Variants in NDRG2 observed in about 807,000 individuals in gnomAD.
NDRG2 encodes NDRG family member 2, also known as protein NDRG2.
Under a neutral mutation model 58.2 loss-of-function variants are expected in NDRG2, and 34 were observed. The observed-to-expected ratio is 0.58, with a 90% confidence interval of 0.44 to 0.78. The LOEUF is 0.78. NDRG2 is among the 30% of genes least tolerant of loss of function. The pLI, the probability that NDRG2 is intolerant of heterozygous loss-of-function variation, is 0.00. For missense variants in NDRG2, 434 were observed against 471.2 expected (o/e 0.92, Z 0.73); for synonymous variants, 187 against 175.9 (o/e 1.06, Z -0.50).
intron 1 of NDRG2, chr14:21,032,152 C>T (rs1441991787): frequency 4.7e-6 from 7 of 1,480,266 alleles, no homozygotes; most frequent in Non-Finnish European, 6.6e-6. Context: ...AAACAATAAA[C>T]ATCTGTGTGT....
At chr14:21,068,754 G>A (rs1886433499) in intron 1 of NDRG2, among the ~76,000 whole-genome samples, 1 of 152,236 alleles carries the variant, frequency 6.6e-6, no homozygotes, top group Admixed American at 6.5e-5. Context: ...CGGGGAAGAT[G>A]GTTACCGGGG....
In NDRG2 at chr14:21,023,375, C is replaced by T. The variant is rs367711648; in HGVS notation, c.-6-54G>A. The T allele has an allele frequency of 1.2e-5, 17 of 1,477,176 alleles. No homozygotes were observed. The African/African-American group carries it at 2.1e-4, about 18-fold the overall frequency. The allele number at this position is 1,477,176 out of a possible 1,614,324, so 91.5% of individuals were successfully genotyped here. On this transcript the variant is annotated intron_variant, in intron 1 of 15. Transcript: ENST00000556147. ...AGTTGTCTCTACATCCCCACATCGCCTCAAACACCAGGCTTCCTCTCTCAG... is the reference window on the plus strand; with the variant it reads ...AGTTGTCTCTACATCCCCACATCGCTTCAAACACCAGGCTTCCTCTCTCAG...
At position 21,064,176 on chromosome 14, in the gene NDRG2, G is replaced by A. The variant is rs183166138; in HGVS notation, c.24+6652C>T. Among the ~76,000 whole-genome samples, 174 of 152,116 alleles carry A rather than the reference G, an allele frequency of 1.1e-3. 3 individuals are homozygous for A. The highest frequency in any genetic ancestry group is 3.1e-4 in the Non-Finnish European group (21 of 68,020). On this transcript the variant is annotated intron_variant, in intron 1 of 14. Transcript: ENST00000403829. ...GTCGAATGGGAATAATTCAAAGTGC[G>A]GAGGAGTACATTTCTACAAATCTTT...
chr14:21,055,989 G>T (rs1885659451), intron 1 of NDRG2, among the ~76,000 whole-genome samples: 1 of 152,076 alleles, frequency 6.6e-6, no homozygotes, highest in Admixed American at 6.6e-5. Flanking sequence ...GTGCACGAAG[G>T]GATCCCTGCT....
chr14:21,065,697 G>C (rs1348632442), intron 1 of NDRG2, among the ~76,000 whole-genome samples: 1 of 152,216 alleles, frequency 6.6e-6, no homozygotes, highest in Non-Finnish European at 1.5e-5. Flanking sequence ...AAGGATGACA[G>C]CCAGTCACTA....
At chr14:21,066,320 T>C (rs10151973) in intron 1 of NDRG2, among the ~76,000 whole-genome samples, 96,424 of 143,086 alleles carry the variant, frequency 0.67, 31,521 homozygotes, top group Admixed American at 0.71. Context: ...GGTTGTGTTT[T>C]TTTTGTTTTT....
intron 1 of NDRG2, chr14:21,042,337 A>C (rs953045802): frequency 6.6e-6 from 1 of 152,308 alleles, no homozygotes; most frequent in African/African-American, 2.5e-5. Flanking sequence ...GCTCTTAAGG[A>C]GTTCAGGAGT....
rs1404682219 is a variant in NDRG2 at position 21,022,186 on chromosome 14, A to T, written c.224-4T>A. The T allele has an allele frequency of 2.5e-6, 4 of 1,614,058 alleles. No homozygotes were observed. Among genetic ancestry groups the T allele is most frequent in the Non-Finnish European group, 3.4e-6 (4 of 1,180,040 alleles). ...AGTGGCTGGAAGCAAGATTTATCTA[A>T]AGAGAACCCACATCACCTCAACAAT... On this transcript the variant is annotated splice_region_variant and splice_polypyrimidine_tract_variant and intron_variant, in intron 4 of 15. Transcript: ENST00000556147.
At position 21,070,388 on chromosome 14, in the gene NDRG2, C is replaced by A; in HGVS notation, c.24+440G>T. 1.4e-6 allele frequency: 2 copies of A among 1,412,458 alleles called. No individual in the cohort carries two copies. The highest frequency in any genetic ancestry group is 1.8e-6 in the Non-Finnish European group (2 of 1,092,132). 87.5% of individuals were successfully genotyped at this position (1,412,458 alleles called of 1,614,324 possible). A position where few individuals can be genotyped will look rare whatever the true frequency, so the allele number is the denominator to read the frequency against. On this transcript the variant is annotated intron_variant, in intron 1 of 14. Coordinates refer to the NDRG2 transcript ENST00000403829. This position sits in a 1 kb window ranked among gnomAD's most constrained non-coding sequence, Gnocchi z 4.7. ...CGACCAAGCGTCGGACGCGGCCCGGCGCCGAGCCATGGTGAGTCCAGCGTC... is the reference window on the plus strand; with the variant it reads ...CGACCAAGCGTCGGACGCGGCCCGGAGCCGAGCCATGGTGAGTCCAGCGTC...
At chr14:21,042,727 A>G (rs1223106686) in intron 1 of NDRG2, among the ~76,000 whole-genome samples, 1 of 152,136 alleles carries the variant, frequency 6.6e-6, no homozygotes, top group Non-Finnish European at 1.5e-5. Flanking sequence ...GGGAGAGGAC[A>G]AAGAGTGACA....
rs184069396 is a variant in NDRG2 at position 21,060,003 on chromosome 14, C to T, written c.24+10825G>A. ...CATACAGAGGAACACATAGTCACAA[C>T]GTGCACCTGTGTGCACAACACCCAC... is the stretch of plus-strand genomic sequence containing the variant. On this transcript the variant is annotated intron_variant, in intron 1 of 14. Coordinates refer to the NDRG2 transcript ENST00000403829. Among the ~76,000 whole-genome samples, 66 of 152,258 alleles carry T rather than the reference C, an allele frequency of 4.3e-4. 1 individual carries two copies. Among genetic ancestry groups the T allele is most frequent in the East Asian group, 2.9e-3 (15 of 5,182 alleles).
chr14:21,019,844 G>C (rs2138869224), intron 9 of NDRG2, 76 bp downstream of exon 9: 1 of 1,552,248 alleles, frequency 6.4e-7, no homozygotes, highest in African/African-American at 1.4e-5. Context: ...TCCTGTCCCA[G>C]CTAAGGAAGT....
In NDRG2 at chr14:21,066,795, T is replaced by G. The variant is rs796095764; in HGVS notation, c.24+4033A>C. On this transcript the variant is annotated intron_variant, in intron 1 of 14. Transcript: ENST00000403829. ...TGACACTTAGTTCGGAGAAGACAAG[T>G]TGTTAATTTTTGAAAAAATATTACC... 1.3e-4 allele frequency among the ~76,000 whole-genome samples: 20 copies of G among 152,326 alleles called. 1 individual carries two copies. The South Asian group carries it at 4.1e-3, about 32-fold the overall frequency.
At chr14:21,033,745 G>C (rs771895209) in intron 1 of NDRG2, 4 of 1,050,210 alleles carry the variant, frequency 3.8e-6, no homozygotes, top group Non-Finnish European at 6.0e-6. Context: ...AGGAAGTCTT[G>C]TTACAGGGAT....
At chr14:21,053,265 T>C (rs1885544744) in intron 1 of NDRG2, among the ~76,000 whole-genome samples, 1 of 152,140 alleles carries the variant, frequency 6.6e-6, no homozygotes. Flanking sequence ...AGTGGATCAC[T>C]TGAGTCCAGG....
intron 1 of NDRG2, among the ~76,000 whole-genome samples, chr14:21,036,589 A>G (rs1594489125): frequency 6.6e-6 from 1 of 152,160 alleles, no homozygotes; most frequent in Non-Finnish European, 1.5e-5. Flanking sequence ...ACAGGACATA[A>G]GACTTCCCAT....
intron 1 of NDRG2, chr14:21,031,941 A>T: frequency 6.2e-7 from 1 of 1,614,190 alleles, no homozygotes; most frequent in Non-Finnish European, 8.5e-7. Flanking sequence ...ACCAGCAAGT[A>T]CACCGGCACC....
At chr14:21,054,406 C>A (rs1488964228) in intron 1 of NDRG2, among the ~76,000 whole-genome samples, 1 of 152,038 alleles carries the variant, frequency 6.6e-6, no homozygotes, top group Non-Finnish European at 1.5e-5. Flanking sequence ...TTAGAGATGG[C>A]ATTCAGTCTT....
intron 1 of NDRG2, among the ~76,000 whole-genome samples, chr14:21,069,144 C>T: frequency 6.6e-6 from 1 of 152,342 alleles, no homozygotes; most frequent in East Asian, 1.9e-4. Context: ...CTTCCCGGTG[C>T]CTGCTCAGAG....
Sources: allele counts gnomAD v4.1 joint callset (sites outside exome capture counted in the v4.1 genomes callset), GRCh38; gene constraint gnomAD v4.1.1; non-coding constraint Gnocchi (gnomAD v3.1); transcripts MANE v1.5; gene names NCBI Gene and HGNC (gene_info 2026-07-23, HGNC 2026-07-21).